STK32C: variants seen among roughly 807,000 people sequenced by gnomAD.
The protein encoded by STK32C is serine/threonine kinase 32C.
STK32C carries 31 observed loss-of-function variants against 56.5 expected under a neutral mutation model. The ratio of observed to expected loss-of-function variants is 0.55; its 90% confidence interval spans 0.41 to 0.74. STK32C has a LOEUF of 0.74. Among genes scored for constraint, STK32C ranks in the 30% least tolerant of loss-of-function variants. The pLI, the probability that STK32C is intolerant of heterozygous loss-of-function variation, is 0.00. For missense variants in STK32C, 544 were observed against 676.9 expected, an observed-to-expected ratio of 0.80 and a Z score of 2.18; for synonymous variants, 309 against 289.4, an observed-to-expected ratio of 1.07 and a Z score of -0.69.
intron 10 of STK32C, among the ~76,000 whole-genome samples, chr10:132,220,237 C>T (rs551488652): frequency 2.8e-4 from 42 of 152,320 alleles, no homozygotes; most frequent in African/African-American, 9.6e-4. Context: ...CACACACAGG[C>T]CGACCCCACG....
chr10:132,211,729 G>T (rs902957023), intron 10 of STK32C, among the ~76,000 whole-genome samples: 2 of 152,176 alleles, frequency 1.3e-5, no homozygotes, highest in African/African-American at 4.8e-5. Context: ...GGGGCCCTTC[G>T]CCCATGACTG....
At chr10:132,324,355 G>C (rs768453958) in exon 2 of STK32C, 27 of 779,074 alleles carry the variant, frequency 3.5e-5, no homozygotes, top group South Asian at 3.1e-4. Flanking sequence ...CCCAGTCCTG[G>C]GGTGTGCTCT....
At chr10:132,258,970 T>C (rs1408339069) in intron 1 of STK32C, among the ~76,000 whole-genome samples, 1 of 152,208 alleles carries the variant, frequency 6.6e-6, no homozygotes, top group Non-Finnish European at 1.5e-5. Context: ...TAGGAAAATA[T>C]CATCTCCAAC....
At chr10:132,289,583 T>C (rs1454520929) in intron 1 of STK32C, among the ~76,000 whole-genome samples, 1 of 152,136 alleles carries the variant, frequency 6.6e-6, no homozygotes, top group Non-Finnish European at 1.5e-5. Context: ...ACAACAGAGA[T>C]TTATTTCTTA....
At chr10:132,281,989 C>T (rs1411158468) in intron 1 of STK32C, among the ~76,000 whole-genome samples, 2 of 152,260 alleles carry the variant, frequency 1.3e-5, no homozygotes, top group African/African-American at 4.8e-5. Flanking sequence ...AGCAGCGTCC[C>T]TGCTGAGCGC....
chr10:132,251,478 G>A (rs975062098), intron 1 of STK32C, among the ~76,000 whole-genome samples: 3 of 152,256 alleles, frequency 2.0e-5, no homozygotes, highest in East Asian at 1.9e-4. Flanking sequence ...TACTGTGAAC[G>A]GCCGAGGAGC....
At chr10:132,265,078 TG>T (rs1367738590) in intron 1 of STK32C, among the ~76,000 whole-genome samples, 3 of 133,432 alleles carry the variant, frequency 2.2e-5, no homozygotes, top group Admixed American at 7.4e-5. Context: ...GGCGGTGAGG[TG>T]GGCTCTGGGG....
chr10:132,275,300 C>A (rs1395323761), intron 1 of STK32C, among the ~76,000 whole-genome samples: 1 of 152,168 alleles, frequency 6.6e-6, no homozygotes, highest in South Asian at 2.1e-4. Context: ...GTGCTGGGAC[C>A]CCCGGGGAAG....
At chr10:132,208,235 G>A (rs756885661) in intron 11 of STK32C, 84 bp from the exon 12 acceptor site, 414 of 1,263,336 alleles carry the variant, frequency 3.3e-4, no homozygotes, top group Non-Finnish European at 4.1e-4. Context: ...GGGCTCATGG[G>A]GTAGGCCATG....
At chr10:132,293,429 C>A (rs1056169227) in intron 1 of STK32C, among the ~76,000 whole-genome samples, 1 of 152,262 alleles carries the variant, frequency 6.6e-6, no homozygotes, top group African/African-American at 2.4e-5. Context: ...CACCTTCACA[C>A]AGGCCAGTGT....
At chr10:132,218,011 A>T (rs2062522382) in intron 10 of STK32C, among the ~76,000 whole-genome samples, 1 of 152,114 alleles carries the variant, frequency 6.6e-6, no homozygotes, top group African/African-American at 2.4e-5. Context: ...GGTCGCTTTA[A>T]ATGTGAATGG....
At chr10:132,292,035 C>T (rs1196761297) in intron 1 of STK32C, among the ~76,000 whole-genome samples, 2 of 152,148 alleles carry the variant, frequency 1.3e-5, no homozygotes, top group African/African-American at 4.8e-5. Context: ...GGAGGCTTCC[C>T]CTGCAGGGGC....
intron 8 of STK32C, among the ~76,000 whole-genome samples, chr10:132,223,422 G>C (rs957553422): frequency 6.6e-6 from 1 of 152,222 alleles, no homozygotes; most frequent in African/African-American, 2.4e-5. Flanking sequence ...GCATGGCCTG[G>C]GAAGCAACAT....
rs377535352 is a variant in STK32C, at chr10:132,224,497, G to A, written c.903C>T (p.Asn301=). ...ACAGCTGCACCAGGGACTCCACGGC[G>A]TTGCTGGAGTGGATGTCATAGGGCC... The part of the protein sequence containing the change: ...GWRPYDIHSS[N]AVESLVQLFS... The change falls in exon 8 of 12, where the codon AAC becomes AAT. Residue 301 remains asparagine (N), a synonymous_variant. Transcript: ENST00000298630. 161 of 1,590,164 alleles carry A rather than the reference G, an allele frequency of 1.0e-4. No homozygotes were observed. Among genetic ancestry groups the A allele is most frequent in the Middle Eastern group, 1.7e-4 (1 of 6,056 alleles).
At chr10:132,314,884 C>T (rs1365609648) in intron 1 of STK32C, among the ~76,000 whole-genome samples, 1 of 152,162 alleles carries the variant, frequency 6.6e-6, no homozygotes, top group Non-Finnish European at 1.5e-5. Flanking sequence ...TGCCTGTAAT[C>T]CCAGCACTTT....
In STK32C at chr10:132,273,524, G is replaced by C. The variant is rs531291747; in HGVS notation, c.263-27569C>G. ...TTAATGATAATGAGTTAGTGAATGG[G>C]GAGTTAGCAAATGAGTAAATGAGAT... On this transcript the variant is annotated intron_variant, in intron 1 of 11. Coordinates refer to ENST00000298630, the MANE Select transcript of STK32C (RefSeq NM_173575.4). 5.7e-4 allele frequency among the ~76,000 whole-genome samples: 86 copies of C among 152,120 alleles called. 1 individual carries two copies. The highest frequency in any genetic ancestry group is 1.2e-3 in the Non-Finnish European group (79 of 67,992).
At chr10:132,327,621 A>G (rs1374013224) in intron 1 of STK32C, among the ~76,000 whole-genome samples, 8 of 151,970 alleles carry the variant, frequency 5.3e-5, no homozygotes, top group African/African-American at 1.9e-4. Context: ...AACTACAGGT[A>G]TGCACCACCA....
intron 1 of STK32C, among the ~76,000 whole-genome samples, chr10:132,270,320 C>A (rs2064773671): frequency 6.6e-6 from 1 of 152,270 alleles, no homozygotes; most frequent in African/African-American, 2.4e-5. Context: ...TGCTCACAGC[C>A]ATCCTTGCAG....
In STK32C at chr10:132,235,494, T is replaced by TA. The variant is rs56193362; in HGVS notation, c.319-7367dup. ...CTGGCAACAGAGCAAGACTCAGCCTTAAAAAAAAAAAAAAAAAAAAGGAAA... is the reference window on the plus strand; with the variant it reads ...CTGGCAACAGAGCAAGACTCAGCCTTAAAAAAAAAAAAAAAAAAAAAGGAAA... On this transcript the variant is annotated intron_variant, in intron 2 of 11. Transcript: ENST00000298630. Among the ~76,000 whole-genome samples the TA allele has an allele frequency of 2.9e-3, 315 of 108,094 alleles. 2 individuals carry two copies. The highest frequency in any genetic ancestry group is 0.015 in the South Asian group (46 of 3,098). The allele number at this position is 108,094 out of a possible 152,430, so 70.9% of individuals were successfully genotyped here.
Sources: gnomAD v4.1 joint callset for allele counts (sites outside exome capture counted in the v4.1 genomes callset) on GRCh38, gnomAD v4.1.1 for gene constraint, MANE v1.5 for transcripts, NCBI Gene and HGNC (gene_info 2026-07-23, HGNC 2026-07-21) for gene names.